Variants in ICE2 observed in about 807,000 individuals in gnomAD.
ICE2 encodes the protein interactor of little elongation complex ELL subunit 2.
Under a neutral mutation model 105.4 loss-of-function variants are expected in ICE2, and 87 were observed. The ratio of observed to expected loss-of-function variants is 0.83; its 90% CI spans 0.69 to 0.99. ICE2 has a LOEUF of 0.99. Ranked by LOEUF, ICE2 falls within the 50% of genes least tolerant of loss-of-function variation. ICE2 has a pLI of 0.00. For synonymous variants in ICE2, 399 were observed against 392.0 expected, an observed-to-expected ratio of 1.02 and a Z score of -0.21; for missense variants, 1,323 against 1,146.7, an observed-to-expected ratio of 1.15 and a Z score of -2.22.
rs143271506 is a variant in ICE2 at position 60,449,504 on chromosome 15, C to T, written c.1463G>A (p.Gly488Glu). The T allele has an allele frequency of 2.0e-3, 3,304 of 1,614,100 alleles. 7 individuals are homozygous for T. Among genetic ancestry groups the T allele is most frequent in the Admixed American group, 3.2e-3 (194 of 60,022 alleles). ...TGATACCTTTTCACATGATTCAAAT[C>T]CCTGATCATCTTTATTTTTGCATTC... ...PEECKNKDDQGFESCEKVSNS... is the reference protein window; with the variant it reads ...PEECKNKDDQEFESCEKVSNS... Residue 488 changes from glycine (G) to glutamate (E), a missense_variant, in exon 10 of 16, where the codon GGA (glycine) becomes GAA (glutamate). By Grantham distance (98) the Gly-to-Glu change is moderately conservative. Transcript: ENST00000261520.
At chr15:60,462,293 T>G (rs866983850) in intron 5 of ICE2, among the ~76,000 whole-genome samples, 2 of 152,160 alleles carry the variant, frequency 1.3e-5, no homozygotes, top group Admixed American at 6.6e-5. Flanking sequence ...GGGAAAATGT[T>G]AGTTGACATA....
At chr15:60,432,094 G>T in intron 13 of ICE2, 110 bp from the exon 14 acceptor site, 1 of 496,478 alleles carries the variant, frequency 2.0e-6, no homozygotes, top group Non-Finnish European at 3.6e-6. Context: ...AAAAACAGCG[G>T]ATGAGATAAT....
intron 11 of ICE2, chr15:60,443,176 T>A: frequency 6.6e-6 from 1 of 152,222 alleles, no homozygotes. Flanking sequence ...AAAATGACTG[T>A]ACCTATTACT....
At chr15:60,466,746 T>C in intron 4 of ICE2, 33 bp from the exon 5 acceptor site, 3 of 1,535,660 alleles carry the variant, frequency 2.0e-6, no homozygotes, top group Non-Finnish European at 2.6e-6. Flanking sequence ...TGTCTTGGGA[T>C]AAAAAGTTTC....
rs1225313841 is a variant in ICE2, at chr15:60,449,736, T to A, written c.1231A>T (p.Thr411Ser). ...TELETFGVTT[T>S]KVSKSPSPAS... ...GGACTTGGTGATTTTGATACTTTGG[T>A]GGTGGTTACTCCAAAAGTTTCAAGT... Residue 411 changes from threonine to serine, a missense_variant, in exon 10 of 16, where the codon ACC becomes TCC. Coordinates refer to ENST00000261520, the MANE Select transcript of ICE2 (RefSeq NM_024611.6). 1 of 1,614,030 alleles carries A rather than the reference T, an allele frequency of 6.2e-7. No homozygotes were observed. The highest frequency in any genetic ancestry group is 8.5e-7 in the Non-Finnish European group (1 of 1,180,028).
intron 14 of ICE2, among the ~76,000 whole-genome samples, chr15:60,428,901 T>G (rs2063394807): frequency 6.6e-6 from 1 of 152,262 alleles, no homozygotes; most frequent in African/African-American, 2.4e-5. Context: ...AAGTTCAGAA[T>G]AGTTGATCAT....
intron 9 of ICE2, chr15:60,451,038 G>A (rs978647000): frequency 5.4e-6 from 2 of 369,356 alleles, no homozygotes; most frequent in Non-Finnish European, 7.5e-6. Flanking sequence ...AGCAAGAAGC[G>A]TTATATAGAA....
At chr15:60,470,700 TTAAA>T (rs895702904) in intron 3 of ICE2, among the ~76,000 whole-genome samples, 1 of 152,206 alleles carries the variant, frequency 6.6e-6, no homozygotes, top group African/African-American at 2.4e-5. Flanking sequence ...TTAAATGAAC[TTAAA>T]TAAATGAACT....
Position 60,455,364 on chromosome 15 carries a change from T to TGGTA in ICE2, c.741_744dup (p.Ile249TyrfsTer3). 1 of 1,613,996 alleles carries TGGTA rather than the reference T, an allele frequency of 6.2e-7. No homozygotes were observed. Among genetic ancestry groups the TGGTA allele is most frequent in the African/African-American group, 1.3e-5 (1 of 75,052 alleles). On this transcript the variant is annotated frameshift_variant, in exon 7 of 16. Transcript: ENST00000261520. LOFTEE classifies it high-confidence loss of function. ...TCAGCTGTTTGTTCTGACGTTTCAA[T>TGGTA]GGTAGCTATATCGTCCTTTGACAGC...
At chr15:60,464,323 A>T (rs1295221994) in intron 5 of ICE2, among the ~76,000 whole-genome samples, 1 of 150,372 alleles carries the variant, frequency 6.7e-6, no homozygotes, top group Non-Finnish European at 1.5e-5. Context: ...TGTTCTAGTC[A>T]TTGGAAGACC....
At chr15:60,466,488 G>A in intron 5 of ICE2, 106 bp downstream of exon 5, 5 of 1,311,534 alleles carry the variant, frequency 3.8e-6, no homozygotes, top group Admixed American at 2.3e-5. Flanking sequence ...TTTTAAATTG[G>A]TAACACTGAC....
At chr15:60,443,792 G>A (rs977794127) in intron 11 of ICE2, among the ~76,000 whole-genome samples, 2 of 152,128 alleles carry the variant, frequency 1.3e-5, no homozygotes, top group South Asian at 2.1e-4. Context: ...ATAGGAGGTC[G>A]AGATAAAGAA....
At chr15:60,430,482 CACAA>C (rs1317149157) in intron 14 of ICE2, among the ~76,000 whole-genome samples, 2 of 151,970 alleles carry the variant, frequency 1.3e-5, no homozygotes, top group Non-Finnish European at 2.9e-5. Context: ...AAAGCTAACA[CACAA>C]ACTAAATAAA....
At position 60,423,463 on chromosome 15, in the gene ICE2, A is replaced by G. The variant is rs1357655572; in HGVS notation, c.*171T>C. 1.8e-5 allele frequency: 9 copies of G among 501,956 alleles called. 1 individual carries two copies. The East Asian group carries it at 3.3e-4, about 19-fold the overall frequency. The allele number at this position is 501,956 out of a possible 1,614,324, so 31.1% of individuals were successfully genotyped here. A position where few individuals can be genotyped will look rare whatever the true frequency, so the allele number is the denominator to read the frequency against. On this transcript the variant is annotated 3_prime_UTR_variant, in exon 16 of 16. Transcript: ENST00000261520. ...AAACTTCAAGGGTGAAAAGCATACC[A>G]TTCCATTTTAGTTGAAATATTCCTT...
intron 12 of ICE2, chr15:60,439,082 C>T (rs2063660492): frequency 6.6e-6 from 1 of 152,174 alleles, no homozygotes; most frequent in South Asian, 2.1e-4. Flanking sequence ...GTACTCCTTG[C>T]TTTGCATGCA....
intron 3 of ICE2, among the ~76,000 whole-genome samples, chr15:60,474,427 A>G (rs1156581178): frequency 1.3e-5 from 2 of 152,156 alleles, no homozygotes; most frequent in Non-Finnish European, 2.9e-5. Flanking sequence ...GAAACAAGCT[A>G]AATATCAACA....
intron 4 of ICE2, 65 bp downstream of exon 4, chr15:60,467,996 T>C: frequency 7.2e-7 from 1 of 1,382,116 alleles, no homozygotes; most frequent in Non-Finnish European, 9.6e-7. Context: ...TAAATGTAAA[T>C]TTAAGATAAA....
chr15:60,471,283 TA>T (rs1181164592), intron 3 of ICE2, among the ~76,000 whole-genome samples: 1 of 152,192 alleles, frequency 6.6e-6, no homozygotes, highest in East Asian at 1.9e-4. Flanking sequence ...AATAATTGTA[TA>T]AAAATAAGCA....
Position 60,449,716 on chromosome 15 carries a change from TG to T in ICE2, c.1250del (p.Pro417GlnfsTer12). 1 of 1,614,172 alleles carries T rather than the reference TG, an allele frequency of 6.2e-7. No individual in the cohort carries two copies. The highest frequency in any genetic ancestry group is 8.5e-7 in the Non-Finnish European group (1 of 1,180,038). On this transcript the variant is annotated frameshift_variant, in exon 10 of 16. Coordinates refer to ENST00000261520, the MANE Select transcript of ICE2 (RefSeq NM_024611.6). LOFTEE classifies it high-confidence loss of function. ...GTACTGTGGAAGTACTTGCTGGACT[TG>T]GTGATTTTGATACTTTGGTGGTGGT... is the stretch of plus-strand genomic sequence containing the variant. The part of the protein sequence containing the change: ...GVTTTKVSKS[P>X]SPASTSTVPN...
Sources: gnomAD v4.1 joint callset for allele counts (sites outside exome capture counted in the v4.1 genomes callset) on GRCh38, gnomAD v4.1.1 for gene constraint, MANE v1.5 for transcripts, NCBI Gene and HGNC (gene_info 2026-07-23, HGNC 2026-07-21) for gene names.